Variants in ARPC3 observed in about 807,000 individuals in gnomAD.
ARPC3 encodes the protein actin-related protein 2/3 complex subunit 3.
In ARPC3, 12 loss-of-function variants were observed where a neutral mutation model predicts 27.6. The ratio of observed to expected loss-of-function variants is 0.43; its 90% CI spans 0.28 to 0.70. ARPC3 has a LOEUF of 0.70. ARPC3 is among the 30% of genes least tolerant of loss of function. ARPC3 has a pLI of 0.17. For synonymous variants in ARPC3, 53 were observed against 67.2 expected (o/e 0.79, Z 1.03); for missense variants, 153 against 207.7 (o/e 0.74, Z 1.62).
At chr12:110,442,114 T>A (rs2062440753) in intron 2 of ARPC3, among the ~76,000 whole-genome samples, 1 of 151,340 alleles carries the variant, frequency 6.6e-6, no homozygotes, top group Non-Finnish European at 1.5e-5. Flanking sequence ...CCTCAAGTGA[T>A]CCTCCTGCCT....
chr12:110,441,692 G>A (rs2062438501), intron 2 of ARPC3, among the ~76,000 whole-genome samples: 1 of 151,604 alleles, frequency 6.6e-6, no homozygotes, highest in East Asian at 1.9e-4. Context: ...CATGAGGCCT[G>A]GCTAATTTTT....
intron 3 of ARPC3, among the ~76,000 whole-genome samples, chr12:110,438,651 A>G (rs574536859): frequency 7.0e-6 from 1 of 142,530 alleles, no homozygotes; most frequent in Non-Finnish European, 1.5e-5. Flanking sequence ...TTTCCTATAT[A>G]TTTTTTTTTT....
chr12:110,447,330 C>T (rs2062470419), intron 1 of ARPC3, among the ~76,000 whole-genome samples: 2 of 152,288 alleles, frequency 1.3e-5, no homozygotes, highest in Admixed American at 6.5e-5. Flanking sequence ...AGATGTCTGG[C>T]TTTTTATAAG....
chr12:110,440,176 ACATTAAG>A (rs1475733408), intron 3 of ARPC3, 129 bp downstream of exon 3: 1 of 672,118 alleles, frequency 1.5e-6, no homozygotes, highest in Admixed American at 2.8e-5. Flanking sequence ...ACAAAAGCTA[ACATTAAG>A]CACTGCTCTC....
In ARPC3 at chr12:110,435,158, C is replaced by T. The variant is rs2062395468; in HGVS notation, c.534G>A (p.Gln178=). The T allele has an allele frequency of 4.3e-6, 7 of 1,613,640 alleles. No individual in the cohort carries two copies. Among genetic ancestry groups the T allele is most frequent in the South Asian group, 1.1e-5 (1 of 91,060 alleles). ...FMNKSLSGPG[Q] is the part of the protein sequence containing the mutation. ...ACGGTGGCTGCCCGGGCTCCCTTCA[C>T]TGTCCAGGTCCTGAAAGACTCTTGT... Residue 178 remains glutamine (Q), a synonymous_variant, in exon 7 of 7, where the codon CAG becomes CAA. Coordinates refer to ENST00000228825, the MANE Select transcript of ARPC3 (RefSeq NM_001278556.2).
chr12:110,439,205 C>T (rs1251233334), intron 3 of ARPC3, among the ~76,000 whole-genome samples: 1 of 152,050 alleles, frequency 6.6e-6, no homozygotes, highest in Non-Finnish European at 1.5e-5. Flanking sequence ...AGGCTGGTCT[C>T]AAACTCCTGG....
chr12:110,445,814 A>C (rs942025186), intron 1 of ARPC3, among the ~76,000 whole-genome samples: 1 of 152,204 alleles, frequency 6.6e-6, no homozygotes, highest in African/African-American at 2.4e-5. Flanking sequence ...AATTAAGTAA[A>C]TGATGTTGGC....
intron 6 of ARPC3, 54 bp downstream of exon 6, chr12:110,436,056 G>T: frequency 7.4e-7 from 1 of 1,349,572 alleles, no homozygotes; most frequent in Non-Finnish European, 1.1e-6. Flanking sequence ...GTTCAATGGT[G>T]GCTATGGGAT....
At chr12:110,436,713 C>CAT in intron 4 of ARPC3, 30 bp from the exon 5 acceptor site, 3 of 129,890 alleles carry the variant, frequency 2.3e-5, no homozygotes, top group Non-Finnish European at 4.5e-5. Flanking sequence ...TATATATATA[C>CAT]ACACACACAC....
chr12:110,435,267 G>GT, intron 6 of ARPC3, 50 bp from the exon 7 acceptor site: 5 of 1,323,882 alleles, frequency 3.8e-6, no homozygotes, highest in Non-Finnish European at 5.4e-6. Context: ...AATTACAATA[G>GT]AATTTGCATT....
intron 6 of ARPC3, among the ~76,000 whole-genome samples, 153 bp from the exon 7 acceptor site, chr12:110,435,370 G>A (rs1304362881): frequency 6.7e-6 from 1 of 148,744 alleles, no homozygotes; most frequent in Non-Finnish European, 1.5e-5. Context: ...CGCCCAGGCT[G>A]GAGTGCTGGA....
intron 2 of ARPC3, among the ~76,000 whole-genome samples, chr12:110,441,233 A>G (rs1180784639): frequency 6.8e-6 from 1 of 147,770 alleles, no homozygotes; most frequent in Non-Finnish European, 1.5e-5. Context: ...CCCGGGTTCA[A>G]GCGATTCTCC....
rs201922433 is a variant in ARPC3 at position 110,445,427 on chromosome 12, T to G, written c.106+25A>C. ...ATTGTTAGGCATTTCGTACCAAAAT[T>G]TGAAAATAATGGGTTTAGACTTACT... On this transcript the variant is annotated intron_variant, in intron 2 of 6. Transcript: ENST00000228825. 236 of 1,547,098 alleles carry G rather than the reference T, an allele frequency of 1.5e-4. 2 individuals are homozygous for G. In the East Asian group the frequency reaches 5.0e-3, roughly 33 times the overall value.
At chr12:110,443,285 A>AT (rs1284843086) in intron 2 of ARPC3, among the ~76,000 whole-genome samples, 2 of 151,466 alleles carry the variant, frequency 1.3e-5, no homozygotes, top group African/African-American at 4.9e-5. Flanking sequence ...CGCTTGGCTA[A>AT]TTTTTTGTAT....
chr12:110,450,032 C>A (rs2062491952), intron 1 of ARPC3, among the ~76,000 whole-genome samples: 1 of 152,224 alleles, frequency 6.6e-6, no homozygotes, highest in African/African-American at 2.4e-5. Context: ...TCCTCACACA[C>A]CCTGGACCCT....
intron 2 of ARPC3, among the ~76,000 whole-genome samples, chr12:110,444,131 G>A (rs575948279): frequency 4.6e-5 from 7 of 151,860 alleles, no homozygotes; most frequent in African/African-American, 1.2e-4. Context: ...CACCATGCCC[G>A]GCTGATTGTT....
intron 1 of ARPC3, among the ~76,000 whole-genome samples, chr12:110,447,468 A>G (rs560639043): frequency 4.6e-5 from 7 of 152,326 alleles, no homozygotes; most frequent in African/African-American, 1.4e-4. Flanking sequence ...AGTAGAGAAG[A>G]CAGACAGAAA....
At position 110,436,695 on chromosome 12, in the gene ARPC3, A is replaced by AAAAAT. The variant is rs764485902; in HGVS notation, c.253-13_253-12insATTTT. The AAAAAT allele has an allele frequency of 3.9e-4, 283 of 735,062 alleles. 2 individuals are homozygous for AAAAAT. The African/African-American group carries it at 7.7e-3, about 20-fold the overall frequency. 45.5% of individuals were successfully genotyped at this position (735,062 alleles called of 1,614,324 possible). ...CTTTTGGAATTGCACTGGAAAAAAA[A>AAAAAT]ATATATATATATATATACACACACA... is the stretch of plus-strand genomic sequence containing the variant. On this transcript the variant is annotated splice_polypyrimidine_tract_variant and intron_variant, in intron 4 of 6. Coordinates refer to ENST00000228825, the MANE Select transcript of ARPC3 (RefSeq NM_001278556.2).
chr12:110,441,006 CTATATTTTT>C (rs1416056231), intron 2 of ARPC3, among the ~76,000 whole-genome samples: 2 of 145,210 alleles, frequency 1.4e-5, no homozygotes, highest in Non-Finnish European at 3.0e-5. Flanking sequence ...CCATGCTCAG[CTATATTTTT>C]TGTATTTTTA....
Sources: gnomAD v4.1 joint callset for allele counts (sites outside exome capture counted in the v4.1 genomes callset) on GRCh38, gnomAD v4.1.1 for gene constraint, MANE v1.5 for transcripts, NCBI Gene and HGNC (gene_info 2026-07-23, HGNC 2026-07-21) for gene names.